The following ABCA10 variants were observed in gnomAD, a reference collection of about 807,000 sequenced individuals.
The protein encoded by ABCA10 is ATP-binding cassette sub-family A member 10.
ABCA10 carries 169 observed loss-of-function variants against 187.5 expected under a neutral mutation model. The ratio of observed to expected loss-of-function variants is 0.90; its 90% CI spans 0.80 to 1.02. The LOEUF (loss-of-function observed/expected upper bound fraction) is 1.02, where lower values mean the gene tolerates loss of function less well. Among genes scored for constraint, ABCA10 ranks in the 50% least tolerant of loss-of-function variants. The pLI, the probability that ABCA10 is intolerant of heterozygous loss-of-function variation, is 0.00. For missense variants in ABCA10, 1,727 were observed against 1,812.4 expected (o/e 0.95, Z 0.86); for synonymous variants, 574 against 601.8 (o/e 0.95, Z 0.68).
At position 69,225,324 on chromosome 17, in the gene ABCA10, C is replaced by T. The variant is rs2074785197; in HGVS notation, c.34+1G>A. 1.9e-6 allele frequency: 3 copies of T among 1,613,154 alleles called. No homozygotes were observed. The highest frequency in any genetic ancestry group is 2.5e-6 in the Non-Finnish European group (3 of 1,179,372). On this transcript the variant is annotated splice_donor_variant, in intron 3 of 38. Coordinates refer to ENST00000690296, the MANE Select transcript of ABCA10 (RefSeq NM_001377321.1). LOFTEE classifies it high-confidence loss of function. ...GAAACATTGGTTATTGGACAACACA[C>T]CTTTCATAAAGGAAGCCAAGGCCAT...
chr17:69,186,218 T>C (rs1191835535), intron 19 of ABCA10, among the ~76,000 whole-genome samples: 1 of 152,068 alleles, frequency 6.6e-6, no homozygotes, highest in Non-Finnish European at 1.5e-5. Context: ...CACTCTGCAA[T>C]GACTACTTTC....
intron 9 of ABCA10, among the ~76,000 whole-genome samples, chr17:69,213,963 T>C (rs2074680993): frequency 1.3e-5 from 2 of 152,210 alleles, no homozygotes; most frequent in Admixed American, 1.3e-4. Flanking sequence ...AACTTCATAT[T>C]GTGTTTCCTT....
chr17:69,182,708 G>T lies in ABCA10; in HGVS notation c.2598C>A (p.Tyr866Ter), dbSNP rs372114147. Residue 866 changes from tyrosine to a stop codon, truncating the protein, a stop_gained, in exon 21 of 39, where the codon TAC becomes TAA. Transcript: ENST00000690296. LOFTEE classifies it high-confidence loss of function. Reference protein sequence around the residue: ...RNRNGSDDPSYNGAIIVSGDQ... With the variant: ...RNRNGSDDPS ...CACCAGACACTATGATGGCTCCATT[G>T]TAGGAGGGATCATCTGAGCCATTTC... 12 of 1,611,478 alleles carry T rather than the reference G, an allele frequency of 7.4e-6. 1 individual carries two copies. The African/African-American group carries it at 1.5e-4, about 20-fold the overall frequency.
intron 25 of ABCA10, among the ~76,000 whole-genome samples, chr17:69,171,669 G>A (rs1362960803): frequency 6.6e-6 from 1 of 152,078 alleles, no homozygotes; most frequent in Non-Finnish European, 1.5e-5. Context: ...TGTAATGAAA[G>A]CTAAAGTCAG....
In ABCA10 at chr17:69,194,562, G is replaced by C. The variant is rs1291973449; in HGVS notation, c.1235-67C>G. On this transcript the variant is annotated intron_variant, in intron 11 of 38. Transcript: ENST00000690296. ...TGCAGATGGAATGGACCTTAAAATT[G>C]GAAAAGTAAAATATATCTCAGCATT... 7.3e-6 allele frequency: 8 copies of C among 1,098,700 alleles called. No individual in the cohort carries two copies. The African/African-American group carries it at 1.1e-4, about 15-fold the overall frequency. 68.1% of individuals were successfully genotyped at this position (1,098,700 alleles called of 1,614,324 possible). A position where few individuals can be genotyped will look rare whatever the true frequency, so the allele number is the denominator to read the frequency against.
chr17:69,201,060 G>A (rs1327504801), intron 10 of ABCA10, among the ~76,000 whole-genome samples: 1 of 152,172 alleles, frequency 6.6e-6, no homozygotes, highest in African/African-American at 2.4e-5. Context: ...AGATCATATA[G>A]TTTAACTGAA....
At chr17:69,236,801 G>C in intron 1 of ABCA10, among the ~76,000 whole-genome samples, 1 of 148,110 alleles carries the variant, frequency 6.8e-6, no homozygotes, top group African/African-American at 2.5e-5. Flanking sequence ...TTGGGAGAGT[G>C]TGCTACTGGC....
Position 69,153,374 on chromosome 17 carries a change from C to A in ABCA10, c.4067G>T (p.Gly1356Val). Residue 1356 changes from glycine to valine, a missense_variant, in exon 34 of 39, where the codon GGG becomes GTG. By Grantham distance (109) the Gly-to-Val change is moderately radical (BLOSUM62 -3). Coordinates refer to ENST00000690296, the MANE Select transcript of ABCA10 (RefSeq NM_001377321.1). ...ATCTAGAAGCACCACTGATGGGTTCCCCAGGATGCTCAGCACAAAGCACAG... is the reference window on the plus strand; with the variant it reads ...ATCTAGAAGCACCACTGATGGGTTCACCAGGATGCTCAGCACAAAGCACAG... ...RKLCFVLSIL[G>V]NPSVVLLDEP... 1 of 1,613,698 alleles carries A rather than the reference C, an allele frequency of 6.2e-7. No homozygotes were observed. The highest frequency in any genetic ancestry group is 1.3e-5 in the African/African-American group (1 of 75,024).
At chr17:69,238,615 C>T (rs1183683562) in intron 1 of ABCA10, among the ~76,000 whole-genome samples, 1 of 152,204 alleles carries the variant, frequency 6.6e-6, no homozygotes, top group African/African-American at 2.4e-5. Flanking sequence ...CTTGTGTCAA[C>T]TTTGACCCTG....
chr17:69,228,346 A>C (rs1347833559), intron 1 of ABCA10, among the ~76,000 whole-genome samples: 1 of 151,998 alleles, frequency 6.6e-6, no homozygotes, highest in Admixed American at 6.6e-5. Flanking sequence ...TTATTGTCTG[A>C]TAATATTTAT....
chr17:69,183,548 G>A (rs530812677), intron 20 of ABCA10, among the ~76,000 whole-genome samples: 1 of 152,182 alleles, frequency 6.6e-6, no homozygotes, highest in Non-Finnish European at 1.5e-5. Context: ...AGTGCCCTCG[G>A]TGTGAAAGGG....
chr17:69,237,163 G>A (rs1340055019), intron 1 of ABCA10, among the ~76,000 whole-genome samples: 10 of 152,256 alleles, frequency 6.6e-5, no homozygotes, highest in Admixed American at 3.9e-4. Flanking sequence ...CAAGTCTTAC[G>A]TTCTATGAAA....
At chr17:69,156,200 G>A (rs962239805) in intron 28 of ABCA10, among the ~76,000 whole-genome samples, 1 of 152,130 alleles carries the variant, frequency 6.6e-6, no homozygotes, top group South Asian at 2.1e-4. Flanking sequence ...GTAGACATAC[G>A]GGTCTTTTAG....
chr17:69,200,463 T>C (rs2074535338), intron 10 of ABCA10, among the ~76,000 whole-genome samples: 1 of 152,180 alleles, frequency 6.6e-6, no homozygotes, highest in Admixed American at 6.5e-5. Context: ...AGAATGTCAC[T>C]TAAGAATACT....
In ABCA10 at chr17:69,190,355, T is replaced by TGTGTTCTAGC. The variant is rs747788637; in HGVS notation, c.2131+2_2131+3insGCTAGAACAC. 7.8e-6 allele frequency: 12 copies of TGTGTTCTAGC among 1,548,316 alleles called. No homozygotes were observed. The highest frequency in any genetic ancestry group is 1.7e-4 in the Middle Eastern group (1 of 5,890). ...ATTTTCTGCTAGACACACATTTTTA[T>TGTGTTCTAGC]ACCTGGTTCATCAATTGCTGATTTT... On this transcript the variant is annotated splice_region_variant and intron_variant, in intron 18 of 38. Coordinates refer to ENST00000690296, the MANE Select transcript of ABCA10 (RefSeq NM_001377321.1).
chr17:69,207,867 T>C (rs1182599331), intron 9 of ABCA10, among the ~76,000 whole-genome samples: 1 of 152,140 alleles, frequency 6.6e-6, no homozygotes, highest in East Asian at 1.9e-4. Flanking sequence ...GTACAACATG[T>C]TGACTACAGC....
Position 69,222,652 on chromosome 17 carries a change from T to C in ABCA10, c.80A>G (p.Glu27Gly). ...GTPDEETMDI[E>G]LPKKYHEMVG... is the part of the protein sequence containing the mutation. ...CATTTCATGGTATTTTTTTGGAAGTTCTATATCCATGGTCTCTTCATCTGG... is the reference window on the plus strand; with the variant it reads ...CATTTCATGGTATTTTTTTGGAAGTCCTATATCCATGGTCTCTTCATCTGG... Residue 27 changes from glutamate (E) to glycine (G), a missense_variant, in exon 4 of 39, where the codon GAA (glutamate) becomes GGA (glycine). Physicochemically the swap from Glu to Gly is moderately conservative, Grantham distance 98. Transcript: ENST00000690296. 6.3e-7 allele frequency: 1 copy of C among 1,599,370 alleles called. No homozygotes were observed. The highest frequency in any genetic ancestry group is 8.5e-7 in the Non-Finnish European group (1 of 1,176,654).
chr17:69,242,310 T>C (rs1198739985), intron 1 of ABCA10, among the ~76,000 whole-genome samples: 1 of 152,224 alleles, frequency 6.6e-6, no homozygotes, highest in African/African-American at 2.4e-5. Context: ...GACAAAGATA[T>C]GTTAATAAAT....
In ABCA10 at chr17:69,193,601, A is replaced by G; in HGVS notation, c.1533T>C (p.Ile511=). The G allele has an allele frequency of 6.2e-7, 1 of 1,605,404 alleles. No individual in the cohort carries two copies. The highest frequency in any genetic ancestry group is 8.5e-7 in the Non-Finnish European group (1 of 1,174,832). Residue 511 remains isoleucine, a synonymous_variant, in exon 14 of 39, where the codon ATT becomes ATC. Coordinates refer to ENST00000690296, the MANE Select transcript of ABCA10 (RefSeq NM_001377321.1). ...PKEVEQEVKR[I]IMELDMQSIQ... ...TGCTTTGCATGTCTAATTCCATTATAATTCTTTTTACCTATCAAAGAAAAC... is the reference window on the plus strand; with the variant it reads ...TGCTTTGCATGTCTAATTCCATTATGATTCTTTTTACCTATCAAAGAAAAC...
Sources: allele counts gnomAD v4.1 joint callset (sites outside exome capture counted in the v4.1 genomes callset), GRCh38; gene constraint gnomAD v4.1.1; transcripts MANE v1.5; gene names NCBI Gene and HGNC (gene_info 2026-07-23, HGNC 2026-07-21).